IRAG2: variants seen among roughly 807,000 people sequenced by gnomAD.
IRAG2 encodes the protein lymphoid restricted membrane protein.
In IRAG2, 45 loss-of-function variants were observed where a neutral mutation model predicts 69.9. The observed-to-expected ratio is 0.64, with a 90% CI of 0.51 to 0.83. The LOEUF is 0.83. Ranked by LOEUF, IRAG2 falls within the 40% of genes least tolerant of loss-of-function variation. IRAG2 has a pLI of 0.00. For synonymous variants in IRAG2, 193 were observed against 202.4 expected, an observed-to-expected ratio of 0.95 and a Z score of 0.40; for missense variants, 520 against 587.0, an observed-to-expected ratio of 0.89 and a Z score of 1.18.
At chr12:25,104,487 T>A in intron 20 of IRAG2, 25 bp downstream of exon 20, 1 of 1,289,444 alleles carries the variant, frequency 7.8e-7, no homozygotes, top group Non-Finnish European at 1.1e-6. Flanking sequence ...GTGTGTTTAT[T>A]AACCTGACAT....
At chr12:25,087,316 C>T (rs759196681) in intron 10 of IRAG2, among the ~76,000 whole-genome samples, 16 of 151,796 alleles carry the variant, frequency 1.1e-4, no homozygotes, top group Non-Finnish European at 1.9e-4. Context: ...TATAGGCCTG[C>T]ACCACCACCC....
At chr12:25,062,219 A>G (rs138846106) in intron 2 of IRAG2, among the ~76,000 whole-genome samples, 37 of 152,298 alleles carry the variant, frequency 2.4e-4, no homozygotes, top group Non-Finnish European at 4.1e-4. Flanking sequence ...CTGGAGGAAG[A>G]TGATGGAGGA....
intron 15 of IRAG2, among the ~76,000 whole-genome samples, chr12:25,098,566 T>A (rs1948565597): frequency 6.6e-6 from 1 of 152,176 alleles, no homozygotes; most frequent in African/African-American, 2.4e-5. Flanking sequence ...TTACTCAGAG[T>A]CATGGGACCA....
rs1947049029 is a variant in IRAG2, at chr12:25,079,475, G to C, written c.136+13G>C. ...ATAACTTCAAGTGGTAAGTGGATTT[G>C]GAAATAATATTAAAATAGACTGTTA... On this transcript the variant is annotated intron_variant, in intron 8 of 21. Coordinates refer to ENST00000556887, the MANE Select transcript of IRAG2 (RefSeq NM_001366544.2). The C allele has an allele frequency of 6.2e-7, 1 of 1,603,488 alleles. No individual in the cohort carries two copies. The highest frequency in any genetic ancestry group is 1.1e-5 in the South Asian group (1 of 90,906).
upstream of IRAG2, among the ~76,000 whole-genome samples, chr12:25,048,388 C>A (rs1242432671): frequency 1.3e-5 from 2 of 152,098 alleles, no homozygotes; most frequent in Non-Finnish European, 1.5e-5. Context: ...CCTCCACCTC[C>A]CAGGTTCAAG....
chr12:25,036,246 GGTACATTTTGGTACATTTTACATTTT>G lies in IRAG2; in HGVS notation c.1879-318_1879-293del, dbSNP rs553682978. Among the ~76,000 whole-genome samples, 294 of 152,122 alleles carry G rather than the reference GGTACATTTTGGTACATTTTACATTTT, an allele frequency of 1.9e-3. 3 individuals are homozygous for G. The highest frequency in any genetic ancestry group is 6.9e-3 in the African/African-American group (286 of 41,484). ...GCATATAGTAGGTAGCATTTAGTTT[GGTACATTTTGGTACATTTTACATTTT>G]GTACATTTTGGTACATTTTAGAACG... is the stretch of plus-strand genomic sequence containing the variant. On this transcript the variant is annotated intron_variant, in intron 14 of 38. Transcript: ENST00000636465.
At chr12:25,026,797 G>C in exon 9 of IRAG2, 4 of 1,221,904 alleles carry the variant, frequency 3.3e-6, no homozygotes, top group Non-Finnish European at 4.1e-6. Context: ...AGAATTTCAA[G>C]AACATCATGG....
At chr12:25,069,677 C>A (rs1347153547) in intron 6 of IRAG2, among the ~76,000 whole-genome samples, 1 of 152,118 alleles carries the variant, frequency 6.6e-6, no homozygotes, top group South Asian at 2.1e-4. Flanking sequence ...GGTTATAGAA[C>A]CAAAAAGAGA....
intron 1 of IRAG2, among the ~76,000 whole-genome samples, chr12:25,055,030 A>G (rs1945144734): frequency 6.6e-6 from 1 of 152,192 alleles, no homozygotes; most frequent in Non-Finnish European, 1.5e-5. Flanking sequence ...ATTTATATCT[A>G]TTTAGCTTTT....
intron 7 of IRAG2, among the ~76,000 whole-genome samples, chr12:25,023,231 A>C (rs1944596867): frequency 1.3e-5 from 2 of 152,134 alleles, no homozygotes; most frequent in Admixed American, 6.5e-5. Flanking sequence ...TGTCAATGAA[A>C]TCCTAGCTTG....
chr12:25,101,998 A>G (rs2140242957), intron 16 of IRAG2, 200 bp from the exon 17 acceptor site: 1 of 686,248 alleles, frequency 1.5e-6, no homozygotes, highest in South Asian at 1.5e-5. Flanking sequence ...ACAGTGACAC[A>G]GAGGACTGTA....
At chr12:25,096,021 G>T (rs1948393796) in intron 14 of IRAG2, among the ~76,000 whole-genome samples, 1 of 152,210 alleles carries the variant, frequency 6.6e-6, no homozygotes, top group African/African-American at 2.4e-5. Context: ...TGTTTCAAAA[G>T]TGGTTATCCT....
chr12:25,031,592 TCAGA>T (rs1456275920), intron 10 of IRAG2, among the ~76,000 whole-genome samples: 5 of 152,214 alleles, frequency 3.3e-5, no homozygotes, highest in African/African-American at 4.8e-5. Flanking sequence ...TTCCACTGGG[TCAGA>T]CAAACACAGA....
intron 17 of IRAG2, chr12:25,102,503 C>A (rs1049706809): frequency 9.0e-6 from 4 of 445,672 alleles, no homozygotes; most frequent in Non-Finnish European, 1.6e-5. Flanking sequence ...GGTAACCCGA[C>A]AATGGCACAG....
intron 8 of IRAG2, among the ~76,000 whole-genome samples, chr12:25,026,116 T>C (rs1469469990): frequency 6.6e-6 from 1 of 152,132 alleles, no homozygotes; most frequent in Non-Finnish European, 1.5e-5. Flanking sequence ...AAACAGGTGG[T>C]CAGCTAGATT....
intron 6 of IRAG2, among the ~76,000 whole-genome samples, chr12:25,018,193 C>CTTTTTTTTTTTTTTT (rs56659655): frequency 1.9e-5 from 2 of 105,550 alleles, no homozygotes; most frequent in African/African-American, 3.6e-5. Flanking sequence ...TTTCTTTCTT[C>CTTTTTTTTTTTTTTT]TTTTTTTTTT....
upstream of IRAG2, among the ~76,000 whole-genome samples, chr12:25,050,007 A>T (rs1341528831): frequency 7.0e-6 from 1 of 143,678 alleles, no homozygotes; most frequent in African/African-American, 2.5e-5. Flanking sequence ...AAAAAAAAAA[A>T]AGCTACTCGG....
chr12:25,093,990 C>A (rs1948250769), intron 14 of IRAG2: 1 of 152,116 alleles, frequency 6.6e-6, no homozygotes, highest in African/African-American at 2.4e-5. Flanking sequence ...GGATATTAAC[C>A]CCTTATCAGT....
chr12:25,079,678 T>C lies in IRAG2; in HGVS notation c.159T>C (p.Asn53=). ...TSSDPGLEIL[N]MASCDLDRNS... ...CAGATCCTGGATTAGAAATTCTGAA[T>C]ATGGCTTCTTGTGACCTTGACAGAA... Residue 53 remains asparagine (N), a synonymous_variant, in exon 9 of 22, where the codon AAT becomes AAC. Coordinates refer to ENST00000556887, the MANE Select transcript of IRAG2 (RefSeq NM_001366544.2). 1 of 1,613,296 alleles carries C rather than the reference T, an allele frequency of 6.2e-7. No homozygotes were observed. The highest frequency in any genetic ancestry group is 1.3e-5 in the African/African-American group (1 of 75,026).
Sources: allele counts gnomAD v4.1 joint callset (sites outside exome capture counted in the v4.1 genomes callset), GRCh38; gene constraint gnomAD v4.1.1; transcripts MANE v1.5; gene names NCBI Gene and HGNC (gene_info 2026-07-23, HGNC 2026-07-21).